DLGAP4: variants seen among roughly 807,000 people sequenced by gnomAD.
DLGAP4 encodes the protein DLG associated protein 4, also known as disks large-associated protein 4.
A neutral mutation model predicts 86.9 loss-of-function variants in DLGAP4; 18 were observed. The ratio of observed to expected loss-of-function variants is 0.21; its 90% confidence interval spans 0.14 to 0.31. The LOEUF (loss-of-function observed/expected upper bound fraction) is 0.31, where lower values mean the gene tolerates loss of function less well. Ranked by LOEUF, DLGAP4 falls within the 10% of genes least tolerant of loss-of-function variation. The probability of loss-of-function intolerance (pLI) is 1.00; values close to 1 mark genes in which losing one functional copy is unlikely to be tolerated. For synonymous variants in DLGAP4, 548 were observed against 574.3 expected (o/e 0.95, Z 0.65); for missense variants, 1,085 against 1,362.6 (o/e 0.80, Z 3.21).
chr20:36,473,146 TCACAGAG>T (rs2034749250), intron 7 of DLGAP4: 1 of 152,390 alleles, frequency 6.6e-6, no homozygotes, highest in African/African-American at 2.4e-5. Flanking sequence ...AACCCAGCTT[TCACAGAG>T]CATTTCACTT....
At chr20:36,421,031 C>T (rs529953223) in intron 2 of DLGAP4, among the ~76,000 whole-genome samples, 1 of 152,076 alleles carries the variant, frequency 6.6e-6, no homozygotes, top group Non-Finnish European at 1.5e-5. Flanking sequence ...GTCCCAGCTA[C>T]CCAGGAAGCT....
At chr20:36,466,729 C>T (rs2034370724) in intron 7 of DLGAP4, among the ~76,000 whole-genome samples, 1 of 152,222 alleles carries the variant, frequency 6.6e-6, no homozygotes, top group African/African-American at 2.4e-5. Context: ...TGGAGGCAGG[C>T]CCAGGGACGG....
chr20:36,414,696 G>C (rs1383895127), intron 2 of DLGAP4, among the ~76,000 whole-genome samples: 1 of 152,196 alleles, frequency 6.6e-6, no homozygotes, highest in African/African-American at 2.4e-5. Flanking sequence ...ACAGGCTTTA[G>C]AGAGTATTCC....
chr20:36,313,259 CAG>C (rs1193052850), intron 1 of DLGAP4, among the ~76,000 whole-genome samples: 4 of 152,120 alleles, frequency 2.6e-5, no homozygotes, highest in Non-Finnish European at 5.9e-5. Flanking sequence ...TTGCTAGAGA[CAG>C]GGGGAAAGGT....
chr20:36,348,685 G>A (rs1316029463), intron 1 of DLGAP4, among the ~76,000 whole-genome samples: 2 of 151,884 alleles, frequency 1.3e-5, no homozygotes, highest in African/African-American at 4.8e-5. Flanking sequence ...CCAAAGTGCT[G>A]GGATTACAGG....
chr20:36,443,701 T>A (rs918395971), intron 6 of DLGAP4, among the ~76,000 whole-genome samples: 6 of 151,918 alleles, frequency 3.9e-5, no homozygotes, highest in Non-Finnish European at 7.4e-5. Flanking sequence ...CCCTACACAG[T>A]AAATCCTCAG....
chr20:36,349,104 C>CAAAAAAAAAA (rs539585564), intron 1 of DLGAP4, among the ~76,000 whole-genome samples: 1 of 39,898 alleles, frequency 2.5e-5, no homozygotes, highest in Non-Finnish European at 3.6e-5. Context: ...GACTCCATCT[C>CAAAAAAAAAA]AAAAAAAAAA....
At position 36,448,580 on chromosome 20, in the gene DLGAP4, T is replaced by A. The variant is rs181246552; in HGVS notation, c.1648+1643T>A. Among the ~76,000 whole-genome samples the A allele has an allele frequency of 1.2e-3, 186 of 152,200 alleles. 1 individual carries two copies. In the Middle Eastern group the frequency reaches 0.017, roughly 14 times the overall value. ...CAGGGACTTTCTTGTGGTAGAAGCT[T>A]GGTAAGTGGTAGCTGTTATTGTTGG... On this transcript the variant is annotated intron_variant, in intron 7 of 12. Coordinates refer to ENST00000339266, the MANE Select transcript of DLGAP4 (RefSeq NM_001365621.2).
At chr20:36,334,767 G>T (rs1291190653) in intron 1 of DLGAP4, among the ~76,000 whole-genome samples, 1 of 152,102 alleles carries the variant, frequency 6.6e-6, no homozygotes, top group Non-Finnish European at 1.5e-5. Flanking sequence ...TGGAGACACG[G>T]CAGCTAAGGC....
intron 1 of DLGAP4, among the ~76,000 whole-genome samples, chr20:36,357,221 A>C (rs1159676917): frequency 2.0e-5 from 3 of 152,024 alleles, no homozygotes; most frequent in Non-Finnish European, 4.4e-5. Context: ...ACAGACCAGC[A>C]CCTGACTTGT....
intron 7 of DLGAP4, among the ~76,000 whole-genome samples, chr20:36,466,995 C>T (rs2034402143): frequency 1.4e-5 from 2 of 143,208 alleles, no homozygotes; most frequent in African/African-American, 2.8e-5. Flanking sequence ...CTCTCTGTCT[C>T]TGTCTCTCTC....
In DLGAP4 at chr20:36,460,254, C is replaced by A. The variant is rs1159170114; in HGVS notation, c.1648+13317C>A. 2.6e-5 allele frequency among the ~76,000 whole-genome samples: 4 copies of A among 152,080 alleles called. No individual in the cohort carries two copies. In the East Asian group the frequency reaches 7.7e-4, roughly 29 times the overall value. On this transcript the variant is annotated intron_variant, in intron 7 of 12. Transcript: ENST00000339266. ...GCCGAGGTGGGAGGATCGCTTGAGC[C>A]CAGGAGTTCAAGACCAGCCTGAGCA...
chr20:36,366,412 G>T (rs1204685448), intron 1 of DLGAP4, among the ~76,000 whole-genome samples: 1 of 152,192 alleles, frequency 6.6e-6, no homozygotes, highest in Non-Finnish European at 1.5e-5. Context: ...CCTGTTCAGG[G>T]GAAGTGGGTG....
intron 2 of DLGAP4, among the ~76,000 whole-genome samples, chr20:36,429,129 G>A (rs1389004084): frequency 3.3e-5 from 5 of 152,170 alleles, no homozygotes; most frequent in Non-Finnish European, 7.3e-5. Flanking sequence ...GCCCAGGCTG[G>A]AGTGCAGTGG....
rs912967042 is a variant in DLGAP4 at position 36,309,720 on chromosome 20, G to C, written c.-304+3208G>C. ...TGCTCACATCATCACCTGTTTACCT[G>C]TTCAGCCCTTCCTTCACTCGCCAGG... On this transcript the variant is annotated intron_variant, in intron 1 of 12. Coordinates refer to ENST00000339266, the MANE Select transcript of DLGAP4 (RefSeq NM_001365621.2). Among the ~76,000 whole-genome samples, 35 of 152,332 alleles carry C rather than the reference G, an allele frequency of 2.3e-4. 1 individual carries two copies. The highest frequency in any genetic ancestry group is 4.3e-4 in the Non-Finnish European group (29 of 68,022).
chr20:36,471,756 G>A (rs908973219), intron 7 of DLGAP4, among the ~76,000 whole-genome samples: 1 of 152,206 alleles, frequency 6.6e-6, no homozygotes, highest in Non-Finnish European at 1.5e-5. Context: ...AGTTCCCTGG[G>A]TGGGCCGTTG....
At chr20:36,406,921 C>T (rs1257364118) in intron 2 of DLGAP4, among the ~76,000 whole-genome samples, 1 of 152,044 alleles carries the variant, frequency 6.6e-6, no homozygotes, top group Admixed American at 6.6e-5. Flanking sequence ...AGTTAGGGGC[C>T]CGATGAGGAC....
Position 36,439,981 on chromosome 20 carries a change from C to T in DLGAP4, c.1356+113C>T. 3.4e-6 allele frequency: 3 copies of T among 880,398 alleles called. No individual in the cohort carries two copies. The South Asian group carries it at 4.5e-5, about 13-fold the overall frequency. 54.5% of individuals were successfully genotyped at this position (880,398 alleles called of 1,614,324 possible). A position where few individuals can be genotyped will look rare whatever the true frequency, so the allele number is the denominator to read the frequency against. ...GCTGAGTGGCCCCCAGATGTCTGCA[C>T]TGTGCTTCTGTTTGGTCCTTGTTCC... On this transcript the variant is annotated intron_variant, in intron 5 of 12. Coordinates refer to ENST00000339266, the MANE Select transcript of DLGAP4 (RefSeq NM_001365621.2).
At chr20:36,331,510 C>A (rs1273652621) in intron 1 of DLGAP4, among the ~76,000 whole-genome samples, 1 of 152,208 alleles carries the variant, frequency 6.6e-6, no homozygotes, top group Non-Finnish European at 1.5e-5. Flanking sequence ...GGGCTGCTGG[C>A]CCCCTGCCGA....
Sources: allele counts gnomAD v4.1 joint callset (sites outside exome capture counted in the v4.1 genomes callset), GRCh38; gene constraint gnomAD v4.1.1; transcripts MANE v1.5; gene names NCBI Gene and HGNC (gene_info 2026-07-23, HGNC 2026-07-21).